The following RNF121 variants were observed in gnomAD, a reference collection of about 807,000 sequenced individuals.
RNF121 encodes the protein ring finger protein 121, also known as E3 ubiquitin ligase RNF121.
Under a neutral mutation model 46.5 loss-of-function variants are expected in RNF121, and 21 were observed. The observed-to-expected ratio is 0.45, with a 90% CI of 0.32 to 0.65. The LOEUF (loss-of-function observed/expected upper bound fraction) is 0.65, where lower values mean the gene tolerates loss of function less well. RNF121 is among the 30% of genes least tolerant of loss of function. The probability of loss-of-function intolerance (pLI) is 0.04; values close to 1 mark genes in which losing one functional copy is unlikely to be tolerated. For missense variants in RNF121, 346 were observed against 416.0 expected (o/e 0.83, Z 1.46); for synonymous variants, 139 against 144.7 (o/e 0.96, Z 0.28).
Position 71,936,568 on chromosome 11 carries a change from G to T in RNF121, c.63+7444G>T, listed in dbSNP as rs1033528916. On this transcript the variant is annotated intron_variant, in intron 1 of 8. Transcript: ENST00000361756. ...CCACGCCTGGCTACTTTTTATTTTT[G>T]TATTTTTAGTAGAGACGGGGTTTCA... Among the ~76,000 whole-genome samples, 24 of 152,032 alleles carry T rather than the reference G, an allele frequency of 1.6e-4. No homozygotes were observed. In the East Asian group the frequency reaches 4.5e-3, roughly 28 times the overall value.
chr11:71,934,608 C>A (rs1479323940), intron 1 of RNF121, among the ~76,000 whole-genome samples: 3 of 152,082 alleles, frequency 2.0e-5, no homozygotes, highest in African/African-American at 7.2e-5. Flanking sequence ...ATTTTTGGTC[C>A]AAGCCAATAT....
chr11:71,961,993 A>C (rs1250365597), intron 3 of RNF121, among the ~76,000 whole-genome samples: 1 of 138,134 alleles, frequency 7.2e-6, no homozygotes, highest in Non-Finnish European at 1.5e-5. Flanking sequence ...TTTGAGACAG[A>C]GTCTCGCTGT....
At chr11:71,955,811 T>C (rs937002218) in intron 1 of RNF121, among the ~76,000 whole-genome samples, 2 of 152,218 alleles carry the variant, frequency 1.3e-5, no homozygotes, top group African/African-American at 4.8e-5. Context: ...GTACCTCCCA[T>C]GTGTCCCCTC....
At chr11:71,965,699 A>T (rs995052154) in intron 3 of RNF121, among the ~76,000 whole-genome samples, 2 of 152,222 alleles carry the variant, frequency 1.3e-5, no homozygotes, top group South Asian at 4.1e-4. Flanking sequence ...GTTTTATAGA[A>T]TGCACTCCTA....
chr11:71,958,699 C>G lies in RNF121; in HGVS notation c.101+1435C>G, dbSNP rs144380407. Among the ~76,000 whole-genome samples the G allele has an allele frequency of 3.5e-4, 54 of 152,210 alleles. No individual in the cohort carries two copies. In the East Asian group the frequency reaches 5.4e-3, roughly 15 times the overall value. On this transcript the variant is annotated intron_variant, in intron 2 of 8. Coordinates refer to ENST00000361756, the MANE Select transcript of RNF121 (RefSeq NM_018320.5). ...CTAGCCTGGATGACAGAGCGAGACT[C>G]TCTCCAAAAAAATAATATATGTATA...
chr11:71,981,932 A>C (rs940451667), intron 3 of RNF121, among the ~76,000 whole-genome samples: 30 of 152,198 alleles, frequency 2.0e-4, no homozygotes, highest in African/African-American at 6.0e-4. Flanking sequence ...AATGTTAGAA[A>C]AGAAAATGCG....
At chr11:71,952,773 A>G (rs1953913132) in intron 1 of RNF121, among the ~76,000 whole-genome samples, 1 of 151,916 alleles carries the variant, frequency 6.6e-6, no homozygotes, top group Non-Finnish European at 1.5e-5. Flanking sequence ...GTGCCACTGC[A>G]CTCTAGCTGG....
chr11:71,965,658 T>C lies in RNF121; in HGVS notation c.243+4767T>C, dbSNP rs569793051. On this transcript the variant is annotated intron_variant, in intron 3 of 8. Coordinates refer to ENST00000361756, the MANE Select transcript of RNF121 (RefSeq NM_018320.5). ...AAGCAACAATTTAGTAAGCTTCTCA[T>C]ACATAAATTACCTGCATACCTGTGC... Among the ~76,000 whole-genome samples, 13 of 152,330 alleles carry C rather than the reference T, an allele frequency of 8.5e-5. No homozygotes were observed. The East Asian group carries it at 2.5e-3, about 29-fold the overall frequency.
intron 6 of RNF121, among the ~76,000 whole-genome samples, chr11:71,991,732 A>G (rs185981404): frequency 4.1e-4 from 62 of 152,278 alleles, no homozygotes; most frequent in African/African-American, 1.3e-3. Flanking sequence ...AACTAAGACC[A>G]TTGCGGTTGT....
At chr11:71,984,238 G>C (rs1054536694) in intron 4 of RNF121, among the ~76,000 whole-genome samples, 2 of 152,212 alleles carry the variant, frequency 1.3e-5, no homozygotes, top group Non-Finnish European at 2.9e-5. Context: ...TAAAATAATT[G>C]AAAATATGTC....
At chr11:71,966,298 T>G (rs150645774) in intron 3 of RNF121, among the ~76,000 whole-genome samples, 4,942 of 152,222 alleles carry the variant, frequency 0.032, 76 homozygotes, top group East Asian at 0.078. Context: ...GGATTACAAG[T>G]GTGAGCCGCC....
intron 3 of RNF121, among the ~76,000 whole-genome samples, chr11:71,981,755 T>A (rs1954664652): frequency 6.6e-6 from 1 of 152,182 alleles, no homozygotes; most frequent in Admixed American, 6.5e-5. Context: ...CTACTCTAGT[T>A]TTACTTTCCT....
chr11:71,989,356 A>ATGG (rs1954825448), intron 5 of RNF121, among the ~76,000 whole-genome samples: 1 of 152,186 alleles, frequency 6.6e-6, no homozygotes, highest in East Asian at 1.9e-4. Flanking sequence ...TGTTAGGATT[A>ATGG]CAGGTGTGAG....
chr11:71,985,627 C>T (rs1954757617), intron 4 of RNF121, among the ~76,000 whole-genome samples: 3 of 152,290 alleles, frequency 2.0e-5, no homozygotes, highest in African/African-American at 7.2e-5. Flanking sequence ...AGGGAAGGAC[C>T]TTGACTTTCC....
At position 71,987,012 on chromosome 11, in the gene RNF121, A is replaced by G; in HGVS notation, c.407A>G (p.Tyr136Cys). Residue 136 changes from tyrosine to cysteine, a missense_variant, in exon 5 of 9, where the codon TAT (tyrosine) becomes TGT (cysteine). Coordinates refer to ENST00000361756, the MANE Select transcript of RNF121 (RefSeq NM_018320.5). ...PLVQTTPRLV[Y>C]KWFLLIYKIS... ...TTCTCTCCTTTCCCCAGGTTGGTTT[A>G]TAAGTGGTTCCTGCTAATCTATAAA... is the stretch of plus-strand genomic sequence containing the variant. 6.2e-7 allele frequency: 1 copy of G among 1,611,216 alleles called. No individual in the cohort carries two copies. The highest frequency in any genetic ancestry group is 8.5e-7 in the Non-Finnish European group (1 of 1,177,442).
intron 3 of RNF121, among the ~76,000 whole-genome samples, chr11:71,979,920 G>A (rs1005821881): frequency 1.3e-5 from 2 of 152,190 alleles, no homozygotes; most frequent in African/African-American, 4.8e-5. Flanking sequence ...CTGTTAAAGC[G>A]AATAGCATGA....
intron 2 of RNF121, among the ~76,000 whole-genome samples, chr11:71,960,402 A>G (rs1040775179): frequency 1.2e-4 from 19 of 152,202 alleles, no homozygotes; most frequent in African/African-American, 4.3e-4. Context: ...TTCCAGCATC[A>G]GGTTGAAATA....
At chr11:71,994,955 C>A (rs1954944984) in intron 7 of RNF121, 103 bp downstream of exon 7, 1 of 1,499,044 alleles carries the variant, frequency 6.7e-7, no homozygotes, top group Non-Finnish European at 9.1e-7. Flanking sequence ...CTGTCCAGAC[C>A]CTTGAGTGTA....
chr11:71,958,236 A>G (rs531978585), intron 2 of RNF121, among the ~76,000 whole-genome samples: 27 of 152,332 alleles, frequency 1.8e-4, no homozygotes, highest in African/African-American at 6.3e-4. Flanking sequence ...ACCTGGATTA[A>G]TAGTCTTCAT....
Sources: gnomAD v4.1 joint callset for allele counts (sites outside exome capture counted in the v4.1 genomes callset) on GRCh38, gnomAD v4.1.1 for gene constraint, MANE v1.5 for transcripts, NCBI Gene and HGNC (gene_info 2026-07-23, HGNC 2026-07-21) for gene names.